PLB1: variants seen among roughly 807,000 people sequenced by gnomAD.
The protein encoded by PLB1 is phospholipase B1.
PLB1 carries 242 observed loss-of-function variants against 227.4 expected under a neutral mutation model. The observed-to-expected ratio is 1.06, with a 90% CI of 0.96 to 1.18. The LOEUF (loss-of-function observed/expected upper bound fraction) is 1.18, where lower values mean the gene tolerates loss of function less well. Ranked by LOEUF, PLB1 falls within the 50% of genes most tolerant of loss-of-function variation. The probability of loss-of-function intolerance (pLI) is 0.00; values close to 1 mark genes in which losing one functional copy is unlikely to be tolerated. For synonymous variants in PLB1, 757 were observed against 682.2 expected (o/e 1.11, Z -1.71); for missense variants, 1,858 against 1,816.3 (o/e 1.02, Z -0.42).
At chr2:28,508,966 CCT>C (rs1667931998) in intron 1 of PLB1, among the ~76,000 whole-genome samples, 1 of 152,226 alleles carries the variant, frequency 6.6e-6, no homozygotes, top group Non-Finnish European at 1.5e-5. Flanking sequence ...AGACAAGTCA[CCT>C]CTTCCCTGTG....
chr2:28,604,647 G>A lies in PLB1; in HGVS notation c.2857-8G>A. 6.2e-7 allele frequency: 1 copy of A among 1,613,020 alleles called. No homozygotes were observed. Among genetic ancestry groups the A allele is most frequent in the Non-Finnish European group, 8.5e-7 (1 of 1,179,184 alleles). On this transcript the variant is annotated splice_region_variant and splice_polypyrimidine_tract_variant and intron_variant, in intron 40 of 57. Coordinates refer to ENST00000327757, the MANE Select transcript of PLB1 (RefSeq NM_153021.5). The stretch of plus-strand genomic sequence containing the variant: ...CCTGGGCTGAAGACCCTGTGCATGT[G>A]TCCCCAGAGCAGCATGCGCGAGCTG...
At chr2:28,562,016 T>A (rs1406641212) in intron 17 of PLB1, among the ~76,000 whole-genome samples, 1 of 152,140 alleles carries the variant, frequency 6.6e-6, no homozygotes, top group Non-Finnish European at 1.5e-5. Flanking sequence ...ACATGAAATA[T>A]CCAGAATAGA....
intron 15 of PLB1, among the ~76,000 whole-genome samples, chr2:28,549,582 A>T (rs1673894827): frequency 6.6e-6 from 1 of 151,630 alleles, no homozygotes; most frequent in Admixed American, 6.6e-5. Context: ...CACCCAGCTA[A>T]TTTTTTTGTA....
At chr2:28,599,915 TTTTTTG>T (rs1683594111) in intron 35 of PLB1, among the ~76,000 whole-genome samples, 1 of 150,484 alleles carries the variant, frequency 6.6e-6, no homozygotes, top group Non-Finnish European at 1.5e-5. Context: ...CACCTGGCCT[TTTTTTG>T]TTTTTAAGAT....
chr2:28,595,063 A>T (rs1456351985), intron 33 of PLB1: 2 of 152,122 alleles, frequency 1.3e-5, no homozygotes, highest in East Asian at 1.9e-4. Flanking sequence ...CAGCCTGGGG[A>T]AGTGAGGTGA....
At chr2:28,606,385 C>A in intron 42 of PLB1, 111 bp from the exon 43 acceptor site, 1 of 1,078,674 alleles carries the variant, frequency 9.3e-7, no homozygotes, top group South Asian at 1.5e-5. Context: ...GGGAGCCAAG[C>A]CCCCTGAAAT....
intron 2 of PLB1, among the ~76,000 whole-genome samples, chr2:28,517,672 A>T (rs1331396662): frequency 6.6e-6 from 1 of 152,100 alleles, no homozygotes; most frequent in Non-Finnish European, 1.5e-5. Context: ...ATAAAACGGG[A>T]TTGATTATTT....
chr2:28,639,043 G>A (rs1477727144), intron 56 of PLB1, among the ~76,000 whole-genome samples: 1 of 148,846 alleles, frequency 6.7e-6, no homozygotes. Flanking sequence ...ACTCCAGCCT[G>A]GGTGACAGGG....
intron 21 of PLB1, among the ~76,000 whole-genome samples, chr2:28,577,345 G>C (rs1168393719): frequency 6.6e-6 from 1 of 152,276 alleles, no homozygotes; most frequent in African/African-American, 2.4e-5. Context: ...TTAGCAAAAG[G>C]CACCTAAGTG....
At chr2:28,533,271 C>CTCTCAT (rs1392088332) in intron 9 of PLB1, among the ~76,000 whole-genome samples, 3 of 152,200 alleles carry the variant, frequency 2.0e-5, no homozygotes, top group Non-Finnish European at 4.4e-5. Flanking sequence ...TCCTGACTAG[C>CTCTCAT]TCTCATTGGC....
chr2:28,574,464 C>T lies in PLB1; in HGVS notation c.1433+1159C>T, dbSNP rs13399389. 6.1e-3 allele frequency among the ~76,000 whole-genome samples: 902 copies of T among 149,018 alleles called. 4 individuals carry two copies. The highest frequency in any genetic ancestry group is 0.021 in the African/African-American group (840 of 40,172). The stretch of plus-strand genomic sequence containing the variant: ...GTAGTGTGATCTCAGCTCACTGCAA[C>T]CTCCACCTCCCAGGTTCAAGGGATT... On this transcript the variant is annotated intron_variant, in intron 21 of 57. Transcript: ENST00000327757.
At chr2:28,641,091 A>G in intron 57 of PLB1, 90 bp downstream of exon 57, 1 of 1,235,208 alleles carries the variant, frequency 8.1e-7, no homozygotes, top group Non-Finnish European at 1.1e-6. Flanking sequence ...GTCCCCGGGG[A>G]TGCTCCCTCA....
At chr2:28,587,335 G>A (rs1681067006) in intron 26 of PLB1, among the ~76,000 whole-genome samples, 1 of 152,220 alleles carries the variant, frequency 6.6e-6, no homozygotes, top group Admixed American at 6.5e-5. Context: ...CAAAATCAAT[G>A]CTGGGCGTGG....
At chr2:28,511,089 A>G (rs1668204722) in intron 1 of PLB1, among the ~76,000 whole-genome samples, 1 of 152,188 alleles carries the variant, frequency 6.6e-6, no homozygotes, top group Admixed American at 6.5e-5. Flanking sequence ...TCTAATATAA[A>G]TCAGTACTTT....
At chr2:28,591,844 C>T (rs1682008752) in intron 31 of PLB1, 84 bp downstream of exon 31, 1 of 1,360,786 alleles carries the variant, frequency 7.3e-7, no homozygotes, top group Non-Finnish European at 1.0e-6. Flanking sequence ...GACTTTCACA[C>T]TCACTAAATG....
chr2:28,612,495 A>G (rs917637057), intron 43 of PLB1, among the ~76,000 whole-genome samples: 1 of 152,114 alleles, frequency 6.6e-6, no homozygotes, highest in African/African-American at 2.4e-5. Flanking sequence ...TCATCTATAA[A>G]GTGGGGCATT....
intron 34 of PLB1, 123 bp from the exon 35 acceptor site, chr2:28,598,529 C>CT: frequency 2.7e-6 from 2 of 735,958 alleles, no homozygotes; most frequent in Non-Finnish European, 4.8e-6. Flanking sequence ...CTCCCTGCCT[C>CT]TCCCCAGGAA....
At position 28,633,095 on chromosome 2, in the gene PLB1, ACT is replaced by A. The variant is rs774100730; in HGVS notation, c.4098+59_4098+60del. 46 of 1,456,542 alleles carry A rather than the reference ACT, an allele frequency of 3.2e-5. No homozygotes were observed. The Middle Eastern group carries it at 1.0e-3, about 33-fold the overall frequency. 90.2% of individuals were successfully genotyped at this position (1,456,542 alleles called of 1,614,324 possible). A position where few individuals can be genotyped will look rare whatever the true frequency, so the allele number is the denominator to read the frequency against. On this transcript the variant is annotated intron_variant, in intron 56 of 57. Transcript: ENST00000327757. ...CAAGGGGGGATCTAAGGATATTGAC[ACT>A]CTGTCTCACAATGGCAAAACTACTG... is the stretch of plus-strand genomic sequence containing the variant.
chr2:28,625,772 A>G (rs1449870894), intron 50 of PLB1, among the ~76,000 whole-genome samples: 1 of 152,084 alleles, frequency 6.6e-6, no homozygotes, highest in Non-Finnish European at 1.5e-5. Flanking sequence ...GGGACGTGGT[A>G]ATCCCCTCGG....
Sources: gnomAD v4.1 joint callset for allele counts (sites outside exome capture counted in the v4.1 genomes callset) on GRCh38, gnomAD v4.1.1 for gene constraint, MANE v1.5 for transcripts, NCBI Gene and HGNC (gene_info 2026-07-23, HGNC 2026-07-21) for gene names.